The following GALNTL6 variants were observed in gnomAD, a reference collection of about 807,000 sequenced individuals.
GALNTL6 encodes the protein polypeptide N-acetylgalactosaminyltransferase like 6, also known as polypeptide N-acetylgalactosaminyltransferase-like 6.
Under a neutral mutation model 73.7 loss-of-function variants are expected in GALNTL6, and 46 were observed. That is an observed-to-expected ratio of 0.62 (90% CI 0.49 to 0.80). The LOEUF is 0.80. Ranked by LOEUF, GALNTL6 falls within the 30% of genes least tolerant of loss-of-function variation. GALNTL6 has a pLI of 0.00. For synonymous variants in GALNTL6, 259 were observed against 263.7 expected (o/e 0.98, Z 0.17); for missense variants, 604 against 755.0 (o/e 0.80, Z 2.34).
chr4:172,892,830 A>C (rs1466353443), intron 8 of GALNTL6, among the ~76,000 whole-genome samples: 1 of 152,126 alleles, frequency 6.6e-6, no homozygotes, highest in African/African-American at 2.4e-5. Context: ...AAACGCTGGC[A>C]AACTGCTTTC....
intron 2 of GALNTL6, among the ~76,000 whole-genome samples, chr4:171,848,071 T>C (rs1242406684): frequency 6.6e-6 from 1 of 152,186 alleles, no homozygotes; most frequent in African/African-American, 2.4e-5. Context: ...ATAATAAAAC[T>C]TGAAAATCAA....
intron 5 of GALNTL6, among the ~76,000 whole-genome samples, chr4:172,605,402 A>G (rs1053177092): frequency 2.6e-5 from 4 of 152,186 alleles, no homozygotes; most frequent in Admixed American, 6.5e-5. Flanking sequence ...CACAATCTTG[A>G]TGAGGAATCA....
intron 2 of GALNTL6, among the ~76,000 whole-genome samples, chr4:171,959,818 G>A (rs1222614327): frequency 1.3e-5 from 2 of 152,182 alleles, no homozygotes; most frequent in African/African-American, 2.4e-5. Flanking sequence ...TGAGTGACAT[G>A]TTTGCCTGAA....
At chr4:172,047,349 G>A (rs1194529965) in intron 2 of GALNTL6, among the ~76,000 whole-genome samples, 1 of 152,046 alleles carries the variant, frequency 6.6e-6, no homozygotes, top group Non-Finnish European at 1.5e-5. Flanking sequence ...GGAGCCTAGG[G>A]CATTCATTAA....
intron 5 of GALNTL6, among the ~76,000 whole-genome samples, chr4:172,408,832 A>T (rs920277390): frequency 2.0e-5 from 3 of 152,038 alleles, no homozygotes; most frequent in Non-Finnish European, 4.4e-5. Context: ...TGACTTTAAG[A>T]TTTACACCAA....
chr4:172,065,996 G>T (rs1340582750), intron 2 of GALNTL6, among the ~76,000 whole-genome samples: 1 of 152,078 alleles, frequency 6.6e-6, no homozygotes, highest in African/African-American at 2.4e-5. Context: ...GTGAGATTTG[G>T]GTGGGGACAC....
chr4:173,027,717 T>C (rs1231905043), intron 12 of GALNTL6, among the ~76,000 whole-genome samples: 1 of 152,188 alleles, frequency 6.6e-6, no homozygotes, highest in Admixed American at 6.5e-5. Context: ...AGGCAAGATA[T>C]AGACCTTTAA....
chr4:172,979,749 A>G (rs1210856187), intron 10 of GALNTL6, among the ~76,000 whole-genome samples: 1 of 152,192 alleles, frequency 6.6e-6, no homozygotes, highest in East Asian at 1.9e-4. Context: ...GCTGTTAACT[A>G]CTTGAACTAC....
At chr4:171,987,050 A>C (rs1367845769) in intron 2 of GALNTL6, among the ~76,000 whole-genome samples, 1 of 151,838 alleles carries the variant, frequency 6.6e-6, no homozygotes, top group African/African-American at 2.4e-5. Context: ...TTGGGGGCAC[A>C]GTCTAAGTTG....
intron 5 of GALNTL6, among the ~76,000 whole-genome samples, chr4:172,727,704 A>C (rs1171877514): frequency 6.6e-6 from 1 of 152,172 alleles, no homozygotes; most frequent in African/African-American, 2.4e-5. Context: ...ATGCATGAAG[A>C]TGTTATTAAC....
intron 2 of GALNTL6, among the ~76,000 whole-genome samples, chr4:172,105,378 C>G (rs1732647900): frequency 6.6e-6 from 1 of 151,656 alleles, no homozygotes; most frequent in Non-Finnish European, 1.5e-5. Context: ...CAAAATCCCA[C>G]TAGTGAGAAT....
At chr4:172,636,922 T>G (rs1273211698) in intron 5 of GALNTL6, among the ~76,000 whole-genome samples, 1 of 152,170 alleles carries the variant, frequency 6.6e-6, no homozygotes, top group African/African-American at 2.4e-5. Flanking sequence ...TTTTCAACTC[T>G]GCTACACTTT....
At chr4:172,600,705 A>G (rs373616104) in intron 5 of GALNTL6, among the ~76,000 whole-genome samples, 1 of 152,156 alleles carries the variant, frequency 6.6e-6, no homozygotes, top group African/African-American at 2.4e-5. Flanking sequence ...GACCTCATTA[A>G]AAATTTGGGC....
intron 5 of GALNTL6, among the ~76,000 whole-genome samples, chr4:172,731,702 A>G (rs1736158849): frequency 1.3e-5 from 2 of 152,062 alleles, no homozygotes; most frequent in African/African-American, 4.8e-5. Flanking sequence ...CCTTCCTCTT[A>G]GTACTGCTTT....
At position 172,327,342 on chromosome 4, in the gene GALNTL6, G is replaced by C. The variant is rs553843179; in HGVS notation, c.386+15590G>C. ...TTATGTGGTCAATTTTAGAGTGTGT[G>C]CCATGTGCAGCTTAGAAAAATGTAT... On this transcript the variant is annotated intron_variant, in intron 4 of 12. Transcript: ENST00000506823. Among the ~76,000 whole-genome samples the C allele has an allele frequency of 5.3e-5, 8 of 152,256 alleles. No homozygotes were observed. The South Asian group carries it at 1.4e-3, about 28-fold the overall frequency.
At chr4:172,371,557 C>G (rs1056194401) in intron 5 of GALNTL6, among the ~76,000 whole-genome samples, 1 of 152,196 alleles carries the variant, frequency 6.6e-6, no homozygotes, top group East Asian at 1.9e-4. Context: ...TTCTTTGTCT[C>G]TCTTTCCTTC....
rs1338615912 is a variant in GALNTL6 at position 172,262,679 on chromosome 4, A to C, written c.247+32915A>C. On this transcript the variant is annotated intron_variant, in intron 3 of 12. Transcript: ENST00000506823. ...TATTATCATGCCAAATGCTGCCTAAATATCTTGGTTTTTGTGTGTATTGTT... is the reference window on the plus strand; with the variant it reads ...TATTATCATGCCAAATGCTGCCTAACTATCTTGGTTTTTGTGTGTATTGTT... 2.0e-5 allele frequency among the ~76,000 whole-genome samples: 3 copies of C among 151,164 alleles called. No individual in the cohort carries two copies. In the East Asian group the frequency reaches 5.8e-4, roughly 29 times the overall value.
In GALNTL6 at chr4:172,303,003, T is replaced by G. The variant is rs76433258; in HGVS notation, c.248-8611T>G. Among the ~76,000 whole-genome samples, 370 of 152,232 alleles carry G rather than the reference T, an allele frequency of 2.4e-3. 1 individual carries two copies. Among genetic ancestry groups the G allele is most frequent in the African/African-American group, 8.1e-3 (335 of 41,542 alleles). On this transcript the variant is annotated intron_variant, in intron 3 of 12. Transcript: ENST00000506823. ...TGCTACATTTAAATTTTTATTTATT[T>G]ATTTTTATTTTTTTGAAATGGAGTC...
intron 5 of GALNTL6, among the ~76,000 whole-genome samples, chr4:172,449,534 A>G (rs1732138589): frequency 6.6e-6 from 1 of 152,206 alleles, no homozygotes; most frequent in Admixed American, 6.5e-5. Flanking sequence ...TAAACTTTGA[A>G]GCTAGTTGAC....
Sources: allele counts gnomAD v4.1 joint callset (sites outside exome capture counted in the v4.1 genomes callset), GRCh38; gene constraint gnomAD v4.1.1; transcripts MANE v1.5; gene names NCBI Gene and HGNC (gene_info 2026-07-23, HGNC 2026-07-21).